WWP2: variants seen among roughly 807,000 people sequenced by gnomAD.
WWP2 encodes the protein WW domain containing E3 ubiquitin protein ligase 2, also known as NEDD4-like E3 ubiquitin-protein ligase WWP2.
Under a neutral mutation model 121.0 loss-of-function variants are expected in WWP2, and 57 were observed. The observed-to-expected ratio is 0.47, with a 90% confidence interval of 0.38 to 0.59. The LOEUF is 0.59. Ranked by LOEUF, WWP2 falls within the 20% of genes least tolerant of loss-of-function variation. The probability of loss-of-function intolerance (pLI) is 0.00; values close to 1 mark genes in which losing one functional copy is unlikely to be tolerated. For missense variants in WWP2, 962 were observed against 1,158.9 expected, an observed-to-expected ratio of 0.83 and a Z score of 2.47; for synonymous variants, 449 against 441.3, an observed-to-expected ratio of 1.02 and a Z score of -0.22.
chr16:69,818,960 A>T (rs1327910503), intron 4 of WWP2, among the ~76,000 whole-genome samples: 1 of 152,104 alleles, frequency 6.6e-6, no homozygotes, highest in East Asian at 1.9e-4. Flanking sequence ...TAACATCCTC[A>T]AGTGAACTGT....
chr16:69,877,063 C>G (rs1321864294), intron 7 of WWP2, among the ~76,000 whole-genome samples: 2 of 152,188 alleles, frequency 1.3e-5, no homozygotes, highest in Non-Finnish European at 2.9e-5. Context: ...AGAAGAGAGA[C>G]AACCTGTCCT....
intron 4 of WWP2, among the ~76,000 whole-genome samples, chr16:69,803,289 T>G (rs1460189744): frequency 6.6e-6 from 1 of 152,144 alleles, no homozygotes; most frequent in African/African-American, 2.4e-5. Flanking sequence ...TCAGCATGCA[T>G]CTTGTTAAAA....
chr16:69,876,401 G>T (rs1404569671), intron 7 of WWP2, among the ~76,000 whole-genome samples: 2 of 146,414 alleles, frequency 1.4e-5, no homozygotes, highest in Non-Finnish European at 3.0e-5. Flanking sequence ...GTCTCACTCT[G>T]TTGCCTAGGC....
intron 4 of WWP2, among the ~76,000 whole-genome samples, chr16:69,817,327 C>T (rs1156322076): frequency 6.6e-6 from 1 of 152,188 alleles, no homozygotes; most frequent in East Asian, 1.9e-4. Flanking sequence ...TGGCTCACTG[C>T]AGCTTCAACC....
chr16:69,783,405 C>T (rs1450745420), intron 1 of WWP2, among the ~76,000 whole-genome samples: 7 of 151,890 alleles, frequency 4.6e-5, no homozygotes, highest in African/African-American at 1.5e-4. Flanking sequence ...GCTTGGTGGT[C>T]CGATCCTGTA....
At chr16:69,786,391 G>A (rs556346426) in intron 1 of WWP2, among the ~76,000 whole-genome samples, 5 of 145,630 alleles carry the variant, frequency 3.4e-5, no homozygotes, top group Non-Finnish European at 6.0e-5. Flanking sequence ...TAATCCACCC[G>A]CCTCCCAAAG....
At chr16:69,859,291 G>A (rs560043846) in intron 6 of WWP2, among the ~76,000 whole-genome samples, 13 of 152,292 alleles carry the variant, frequency 8.5e-5, no homozygotes, top group African/African-American at 1.4e-4. Flanking sequence ...AGTGGCTCAC[G>A]CCTGTAATTC....
intron 6 of WWP2, among the ~76,000 whole-genome samples, chr16:69,848,683 A>G (rs1194452766): frequency 6.6e-6 from 1 of 151,308 alleles, no homozygotes; most frequent in African/African-American, 2.4e-5. Flanking sequence ...TAGAGCCTTC[A>G]ACAATTTATT....
intron 4 of WWP2, among the ~76,000 whole-genome samples, chr16:69,807,583 C>T (rs2056304923): frequency 7.3e-6 from 1 of 136,248 alleles, no homozygotes. Context: ...TGTGATACTC[C>T]ACTCCTGCCT....
intron 4 of WWP2, among the ~76,000 whole-genome samples, chr16:69,830,680 A>G (rs1223799634): frequency 2.0e-5 from 3 of 152,150 alleles, no homozygotes; most frequent in African/African-American, 7.2e-5. Flanking sequence ...TGGTGCCCCA[A>G]CAGGAATACC....
At chr16:69,889,161 A>G (rs1196049472) in intron 8 of WWP2, among the ~76,000 whole-genome samples, 1 of 152,090 alleles carries the variant, frequency 6.6e-6, no homozygotes, top group East Asian at 1.9e-4. Flanking sequence ...ACACACACAC[A>G]CACACACACA....
At chr16:69,810,123 C>A (rs768853226) in intron 4 of WWP2, among the ~76,000 whole-genome samples, 1 of 152,204 alleles carries the variant, frequency 6.6e-6, no homozygotes, top group African/African-American at 2.4e-5. Context: ...TCCTCTTCCA[C>A]GGACAGAATT....
intron 4 of WWP2, among the ~76,000 whole-genome samples, chr16:69,815,643 C>G (rs12926791): frequency 0.32 from 47,875 of 151,522 alleles, 9,291 homozygotes; most frequent in Non-Finnish European, 0.43. Context: ...ACAAATTAGC[C>G]GGGTGTGGTG....
rs971346458 is a variant in WWP2 at position 69,925,166 on chromosome 16, G to T, written c.1180-264G>T. 1 of 1,254,726 alleles carries T rather than the reference G, an allele frequency of 8.0e-7. No individual in the cohort carries two copies. The highest frequency in any genetic ancestry group is 3.0e-4 in the Middle Eastern group (1 of 3,312). 77.7% of individuals were successfully genotyped at this position (1,254,726 alleles called of 1,614,324 possible). ...CCTGGCACACCTTCACCCGCGTACC[G>T]CCTCCTCCCCGTCGCTCTGCCTTTT... On this transcript the variant is annotated intron_variant, in intron 10 of 23. Transcript: ENST00000359154. This position sits in a 1 kb window ranked among gnomAD's most constrained non-coding sequence, Gnocchi z 4.0.
At chr16:69,879,381 C>T (rs369140666) in intron 7 of WWP2, among the ~76,000 whole-genome samples, 1 of 152,008 alleles carries the variant, frequency 6.6e-6, no homozygotes, top group Non-Finnish European at 1.5e-5. Context: ...ACATTTCCCC[C>T]CAACCTGACC....
chr16:69,807,324 C>T (rs8057650), intron 4 of WWP2, among the ~76,000 whole-genome samples: 6,706 of 152,114 alleles, frequency 0.044, 514 homozygotes, highest in African/African-American at 0.15. Flanking sequence ...CGTGAGCCAC[C>T]GTGCCTGGCC....
At position 69,862,352 on chromosome 16, in the gene WWP2, A is replaced by G. The variant is rs576942963; in HGVS notation, c.576-9452A>G. Among the ~76,000 whole-genome samples the G allele has an allele frequency of 9.4e-4, 143 of 152,210 alleles. 2 individuals are homozygous for G. The highest frequency in any genetic ancestry group is 3.3e-3 in the African/African-American group (139 of 41,530). On this transcript the variant is annotated intron_variant, in intron 6 of 23. Transcript: ENST00000359154. ...AGTGCTGGGATTACAGGCGTGAGCTACCGCGCCTGGCCCTTGTTTTGTTTT... is the reference window on the plus strand; with the variant it reads ...AGTGCTGGGATTACAGGCGTGAGCTGCCGCGCCTGGCCCTTGTTTTGTTTT...
chr16:69,784,580 G>C (rs929082453), intron 1 of WWP2, among the ~76,000 whole-genome samples: 1 of 152,096 alleles, frequency 6.6e-6, no homozygotes, highest in Non-Finnish European at 1.5e-5. Flanking sequence ...AGCCAGGTTC[G>C]CCTGAGAATG....
chr16:69,859,489 G>A (rs973119714), intron 6 of WWP2, among the ~76,000 whole-genome samples: 3 of 152,120 alleles, frequency 2.0e-5, no homozygotes, highest in Non-Finnish European at 2.9e-5. Context: ...CAGGGAGGTC[G>A]AGGATGCAGT....
Sources: allele counts gnomAD v4.1 joint callset (sites outside exome capture counted in the v4.1 genomes callset), GRCh38; gene constraint gnomAD v4.1.1; non-coding constraint Gnocchi (gnomAD v3.1); transcripts MANE v1.5; gene names NCBI Gene and HGNC (gene_info 2026-07-23, HGNC 2026-07-21).